Variants in KHDRBS2 observed in about 807,000 individuals in gnomAD.
KHDRBS2 encodes KH domain-containing, RNA-binding, signal transduction-associated protein 2.
KHDRBS2 carries 26 observed loss-of-function variants against 44.3 expected under a neutral mutation model. The observed-to-expected ratio is 0.59, with a 90% CI of 0.43 to 0.81. KHDRBS2 has a LOEUF of 0.81. KHDRBS2 is among the 40% of genes least tolerant of loss of function. KHDRBS2 has a pLI of 0.00. For missense variants in KHDRBS2, 476 were observed against 433.1 expected (o/e 1.10, Z -0.88); for synonymous variants, 194 against 151.1 (o/e 1.28, Z -2.08).
At chr6:61,608,883 G>A in the KHDRBS2 span, among the ~76,000 whole-genome samples, 1 of 152,278 alleles carries the variant, frequency 6.6e-6, no homozygotes, top group South Asian at 2.1e-4. Context: ...ATTGTGAATA[G>A]TGCTGCAGTA....
chr6:62,096,566 T>A (rs1323573804), intron 2 of KHDRBS2, among the ~76,000 whole-genome samples: 1 of 151,936 alleles, frequency 6.6e-6, no homozygotes, highest in Non-Finnish European at 1.5e-5. Flanking sequence ...TCAGTTTTAA[T>A]GATTTATTTT....
chr6:61,823,208 G>A (rs965586434), intron 6 of KHDRBS2, among the ~76,000 whole-genome samples: 3 of 151,912 alleles, frequency 2.0e-5, no homozygotes, highest in South Asian at 2.1e-4. Context: ...GGAGGGTTGG[G>A]GAGACATACA....
At chr6:61,905,519 G>T (rs1804813058) in intron 4 of KHDRBS2, among the ~76,000 whole-genome samples, 1 of 152,138 alleles carries the variant, frequency 6.6e-6, no homozygotes, top group African/African-American at 2.4e-5. Context: ...ATGTCAGAGA[G>T]ACCTTCAGGC....
chr6:62,154,778 T>C (rs1302303102), intron 2 of KHDRBS2, among the ~76,000 whole-genome samples: 1 of 152,194 alleles, frequency 6.6e-6, no homozygotes, highest in Non-Finnish European at 1.5e-5. Context: ...AGCTTTATCT[T>C]ATTTAGTTTC....
intron 3 of KHDRBS2, among the ~76,000 whole-genome samples, chr6:62,018,001 T>C (rs1781524160): frequency 1.3e-5 from 2 of 151,786 alleles, no homozygotes; most frequent in African/African-American, 4.8e-5. Context: ...CATTAGAACT[T>C]ATTAGGATTT....
chr6:62,064,006 A>G (rs1395211617), intron 2 of KHDRBS2, among the ~76,000 whole-genome samples: 2 of 148,640 alleles, frequency 1.3e-5, no homozygotes, highest in Non-Finnish European at 3.0e-5. Flanking sequence ...AGAGACCCAA[A>G]TCATGAGTGA....
At chr6:61,927,472 G>C (rs1033843977) in intron 4 of KHDRBS2, among the ~76,000 whole-genome samples, 2 of 152,016 alleles carry the variant, frequency 1.3e-5, no homozygotes, top group African/African-American at 4.8e-5. Flanking sequence ...AGTGGTGCTT[G>C]GTACCCAAAG....
intron 4 of KHDRBS2, among the ~76,000 whole-genome samples, chr6:61,912,929 A>G (rs1806313801): frequency 6.6e-6 from 1 of 152,100 alleles, no homozygotes; most frequent in African/African-American, 2.4e-5. Flanking sequence ...AAGAGCAACC[A>G]CAACGCCTGC....
At chr6:62,077,411 C>T (rs951986054) in intron 2 of KHDRBS2, among the ~76,000 whole-genome samples, 2 of 151,990 alleles carry the variant, frequency 1.3e-5, no homozygotes, top group African/African-American at 2.4e-5. Flanking sequence ...GTGTTGCAGT[C>T]AAGGACTCAG....
chr6:62,267,175 C>A, intron 1 of KHDRBS2, among the ~76,000 whole-genome samples: 1 of 152,130 alleles, frequency 6.6e-6, no homozygotes, highest in East Asian at 1.9e-4. Flanking sequence ...CAGAAAAGGA[C>A]ATATCTTGCA....
intron 6 of KHDRBS2, among the ~76,000 whole-genome samples, chr6:61,838,571 C>T (rs1793086942): frequency 6.6e-6 from 1 of 151,854 alleles, no homozygotes; most frequent in Admixed American, 6.6e-5. Context: ...CTTCTTCAAC[C>T]TATATATAGT....
chr6:61,685,139 T>C (rs1766685944), intron 8 of KHDRBS2, among the ~76,000 whole-genome samples: 1 of 151,796 alleles, frequency 6.6e-6, no homozygotes, highest in Admixed American at 6.6e-5. Context: ...ACTTTCATCA[T>C]TCAGTTGAAC....
intron 6 of KHDRBS2, among the ~76,000 whole-genome samples, chr6:61,792,348 T>C (rs569284035): frequency 2.0e-5 from 3 of 151,598 alleles, no homozygotes; most frequent in Non-Finnish European, 4.4e-5. Context: ...TCCTACATAA[T>C]CAAATTTATT....
chr6:62,222,203 A>G (rs1831011844), intron 1 of KHDRBS2, among the ~76,000 whole-genome samples: 1 of 151,918 alleles, frequency 6.6e-6, no homozygotes, highest in Admixed American at 6.5e-5. Flanking sequence ...ACTGCTTGAG[A>G]TGGAAAAAGA....
chr6:62,076,214 T>C (rs1291997813), intron 2 of KHDRBS2, among the ~76,000 whole-genome samples: 1 of 151,970 alleles, frequency 6.6e-6, no homozygotes, highest in Non-Finnish European at 1.5e-5. Flanking sequence ...CTATATTGCA[T>C]TAAATTACAC....
At chr6:61,868,228 A>G (rs1299587510) in intron 6 of KHDRBS2, among the ~76,000 whole-genome samples, 11 of 152,140 alleles carry the variant, frequency 7.2e-5, no homozygotes, top group Non-Finnish European at 1.5e-4. Context: ...TCAATAAAGC[A>G]GCCAAGCCAT....
intron 6 of KHDRBS2, among the ~76,000 whole-genome samples, chr6:61,767,909 ACAC>A (rs1780245025): frequency 5.3e-5 from 8 of 152,092 alleles, no homozygotes; most frequent in Admixed American, 5.2e-4. Context: ...AATTATTTAT[ACAC>A]CACACTTATG....
At chr6:61,953,112 G>T (rs1462997174) in intron 4 of KHDRBS2, among the ~76,000 whole-genome samples, 1 of 151,866 alleles carries the variant, frequency 6.6e-6, no homozygotes. Flanking sequence ...AAAATGTTAT[G>T]TAATTTATTT....
intron 6 of KHDRBS2, among the ~76,000 whole-genome samples, chr6:61,786,062 T>C (rs1490065805): frequency 6.6e-6 from 1 of 151,656 alleles, no homozygotes; most frequent in African/African-American, 2.4e-5. Context: ...CACACACACA[T>C]AGTTCCCTGA....
Sources: allele counts gnomAD v4.1 joint callset (sites outside exome capture counted in the v4.1 genomes callset), GRCh38; gene constraint gnomAD v4.1.1; transcripts MANE v1.5; gene names NCBI Gene and HGNC (gene_info 2026-07-23, HGNC 2026-07-21).